The following PRKG1 variants were observed in gnomAD, a reference collection of about 807,000 sequenced individuals.
PRKG1 encodes the protein cGMP-dependent protein kinase 1.
Under a neutral mutation model 88.1 loss-of-function variants are expected in PRKG1, and 35 were observed. The ratio of observed to expected loss-of-function variants is 0.40; its 90% CI spans 0.30 to 0.53. PRKG1 has a LOEUF of 0.53. Among genes scored for constraint, PRKG1 ranks in the 20% least tolerant of loss-of-function variants. PRKG1 has a pLI of 0.59. For synonymous variants in PRKG1, 303 were observed against 292.5 expected, an observed-to-expected ratio of 1.04 and a Z score of -0.37; for missense variants, 540 against 839.8, an observed-to-expected ratio of 0.64 and a Z score of 4.41.
intron 1 of PRKG1, among the ~76,000 whole-genome samples, chr10:51,144,883 G>C (rs1400322740): frequency 6.6e-6 from 1 of 152,128 alleles, no homozygotes; most frequent in East Asian, 1.9e-4. Context: ...TCAAGAGAAA[G>C]TGTACACTTT....
chr10:52,264,086 G>A (rs1310770377), intron 10 of PRKG1, among the ~76,000 whole-genome samples: 1 of 151,674 alleles, frequency 6.6e-6, no homozygotes, highest in East Asian at 2.0e-4. Context: ...CTTCAGCTTT[G>A]TTATTATACT....
chr10:51,469,289 ATAAG>A (rs1839985168), intron 3 of PRKG1, among the ~76,000 whole-genome samples: 1 of 151,872 alleles, frequency 6.6e-6, no homozygotes, highest in African/African-American at 2.4e-5. Flanking sequence ...TCTCAGTATT[ATAAG>A]TATTTTTTTG....
chr10:51,295,792 A>G (rs1840705371), intron 2 of PRKG1, among the ~76,000 whole-genome samples: 1 of 152,198 alleles, frequency 6.6e-6, no homozygotes, highest in Non-Finnish European at 1.5e-5. Context: ...CTCAATGATT[A>G]TTATGTTAGC....
intron 9 of PRKG1, among the ~76,000 whole-genome samples, chr10:52,208,220 G>A (rs908629521): frequency 6.6e-6 from 1 of 152,160 alleles, no homozygotes; most frequent in African/African-American, 2.4e-5. Context: ...CACTTTGAAT[G>A]TGAGTCTTCC....
chr10:51,798,788 C>A (rs1425444967), intron 3 of PRKG1, among the ~76,000 whole-genome samples: 1 of 152,016 alleles, frequency 6.6e-6, no homozygotes, highest in Non-Finnish European at 1.5e-5. Context: ...TTGCTCATTG[C>A]AAATCACTTA....
At chr10:51,166,543 A>G (rs1337752029) in intron 2 of PRKG1, among the ~76,000 whole-genome samples, 1 of 152,322 alleles carries the variant, frequency 6.6e-6, no homozygotes, top group Middle Eastern at 3.4e-3. Flanking sequence ...ATGGTTTTTC[A>G]GCATCATTTT....
chr10:52,002,861 A>G (rs1398561323), intron 5 of PRKG1, among the ~76,000 whole-genome samples: 1 of 152,186 alleles, frequency 6.6e-6, no homozygotes, highest in African/African-American at 2.4e-5. Flanking sequence ...TTTTCAGTGT[A>G]CCAATTAAAA....
chr10:51,487,684 G>T (rs1038119594), intron 3 of PRKG1, among the ~76,000 whole-genome samples: 2 of 152,098 alleles, frequency 1.3e-5, no homozygotes, highest in African/African-American at 4.8e-5. Flanking sequence ...ATCTTAAGGA[G>T]TATGTCTCAT....
At chr10:51,477,923 G>A (rs1256053035) in intron 3 of PRKG1, among the ~76,000 whole-genome samples, 2 of 152,038 alleles carry the variant, frequency 1.3e-5, no homozygotes, top group Non-Finnish European at 2.9e-5. Flanking sequence ...TGTACATGAG[G>A]CACTGATACC....
At chr10:52,172,006 G>T (rs1196297910) in intron 9 of PRKG1, among the ~76,000 whole-genome samples, 1 of 150,554 alleles carries the variant, frequency 6.6e-6, no homozygotes, top group African/African-American at 2.5e-5. Context: ...GTTTCACCTT[G>T]TTAGCCAGGA....
At chr10:51,268,425 C>T (rs1839893483) in intron 2 of PRKG1, among the ~76,000 whole-genome samples, 1 of 152,042 alleles carries the variant, frequency 6.6e-6, no homozygotes, top group Admixed American at 6.6e-5. Flanking sequence ...GACGGCTGCC[C>T]CTGAAGCGGC....
At chr10:51,536,494 C>T (rs2132103722) in intron 3 of PRKG1, among the ~76,000 whole-genome samples, 1 of 152,160 alleles carries the variant, frequency 6.6e-6, no homozygotes, top group South Asian at 2.1e-4. Context: ...TGTCTCTTTA[C>T]TCTGTTGATA....
At chr10:51,565,748 G>T (rs1306075662) in intron 3 of PRKG1, among the ~76,000 whole-genome samples, 1 of 151,896 alleles carries the variant, frequency 6.6e-6, no homozygotes, top group African/African-American at 2.4e-5. Context: ...AAATTAGAAG[G>T]GAATAAACCT....
At chr10:51,071,777 T>A (rs1843829405), upstream of PRKG1, among the ~76,000 whole-genome samples, 1 of 152,198 alleles carries the variant, frequency 6.6e-6, no homozygotes, top group Non-Finnish European at 1.5e-5. Context: ...TAGACAGACT[T>A]TCTACAAATG....
intron 4 of PRKG1, among the ~76,000 whole-genome samples, chr10:51,881,048 A>G (rs974909272): frequency 2.6e-4 from 34 of 131,094 alleles, no homozygotes; most frequent in Non-Finnish European, 4.2e-4. Flanking sequence ...AGTATGTGGG[A>G]TGGGTGGGGG....
At chr10:51,658,843 A>G (rs1191612055) in intron 3 of PRKG1, among the ~76,000 whole-genome samples, 2 of 151,934 alleles carry the variant, frequency 1.3e-5, no homozygotes, top group African/African-American at 2.4e-5. Flanking sequence ...CTTTCCCAGG[A>G]CACATTTATT....
intron 3 of PRKG1, among the ~76,000 whole-genome samples, chr10:51,485,117 T>G (rs1480107722): frequency 6.6e-6 from 1 of 152,188 alleles, no homozygotes; most frequent in African/African-American, 2.4e-5. Context: ...ACATTTTAAA[T>G]GAAGTTGAGT....
chr10:52,042,572 T>C (rs1285524959), intron 5 of PRKG1, among the ~76,000 whole-genome samples: 1 of 151,928 alleles, frequency 6.6e-6, no homozygotes, highest in Non-Finnish European at 1.5e-5. Context: ...AAAAATGAAC[T>C]TCAAATGGAT....
At chr10:52,185,428 G>A (rs990888526) in intron 9 of PRKG1, among the ~76,000 whole-genome samples, 9 of 152,166 alleles carry the variant, frequency 5.9e-5, no homozygotes, top group African/African-American at 2.2e-4. Flanking sequence ...GCTTTGCAGG[G>A]TGTACCCCCT....
Sources: gnomAD v4.1 joint callset for allele counts (sites outside exome capture counted in the v4.1 genomes callset) on GRCh38, gnomAD v4.1.1 for gene constraint, MANE v1.5 for transcripts, NCBI Gene and HGNC (gene_info 2026-07-23, HGNC 2026-07-21) for gene names.